Variants in SDCCAG8 observed in about 807,000 individuals in gnomAD.
SDCCAG8 encodes serologically defined colon cancer antigen 8.
In SDCCAG8, 74 loss-of-function variants were observed where a neutral mutation model predicts 101.8. The observed-to-expected ratio is 0.73, with a 90% CI of 0.60 to 0.88. SDCCAG8 has a LOEUF of 0.88. Ranked by LOEUF, SDCCAG8 falls within the 40% of genes least tolerant of loss-of-function variation. The pLI is 0.00. For missense variants in SDCCAG8, 787 were observed against 822.6 expected (o/e 0.96, Z 0.53); for synonymous variants, 281 against 292.9 (o/e 0.96, Z 0.41).
chr1:243,450,637 T>A (rs1454514198), intron 16 of SDCCAG8, among the ~76,000 whole-genome samples: 1 of 152,170 alleles, frequency 6.6e-6, no homozygotes, highest in East Asian at 1.9e-4. Flanking sequence ...TGTTTGTTTG[T>A]TTTGTTATAT....
At position 243,494,070 on chromosome 1, in the gene SDCCAG8, A is replaced by G. The variant is rs1393613388; in HGVS notation, c.2112+4930A>G. Among the ~76,000 whole-genome samples the G allele has an allele frequency of 2.0e-5, 3 of 152,180 alleles. No homozygotes were observed. In the East Asian group the frequency reaches 5.8e-4, roughly 29 times the overall value. On this transcript the variant is annotated intron_variant, in intron 17 of 17. Coordinates refer to ENST00000366541, the MANE Select transcript of SDCCAG8 (RefSeq NM_006642.5). The stretch of plus-strand genomic sequence containing the variant: ...GCCCAGCTGACTTAGGAGCTACCAC[A>G]AAGTTAGCTACCTGTAAGACAGATG...
intron 16 of SDCCAG8, among the ~76,000 whole-genome samples, chr1:243,442,751 A>G (rs1238643237): frequency 6.6e-6 from 1 of 152,200 alleles, no homozygotes; most frequent in Non-Finnish European, 1.5e-5. Context: ...TTTCTTCTTC[A>G]TGGAGAAAAG....
chr1:243,427,617 T>G (rs1165475373), intron 16 of SDCCAG8, among the ~76,000 whole-genome samples: 1 of 152,022 alleles, frequency 6.6e-6, no homozygotes, highest in Non-Finnish European at 1.5e-5. Flanking sequence ...TTGATATAAT[T>G]GAAGGAAATG....
chr1:243,494,250 G>A (rs540470719), intron 17 of SDCCAG8, among the ~76,000 whole-genome samples: 2 of 152,060 alleles, frequency 1.3e-5, no homozygotes, highest in South Asian at 2.1e-4. Flanking sequence ...ATTTTCACCC[G>A]AATTGTCAGT....
chr1:243,327,934 G>A (rs2074308924), intron 9 of SDCCAG8, among the ~76,000 whole-genome samples: 1 of 152,024 alleles, frequency 6.6e-6, no homozygotes, highest in Admixed American at 6.5e-5. Context: ...ATGGAGTCTC[G>A]CTCTGTCGCC....
intron 10 of SDCCAG8, 78 bp from the exon 11 acceptor site, chr1:243,340,961 C>A (rs77723283): frequency 3.1e-5 from 44 of 1,421,094 alleles, no homozygotes; most frequent in Non-Finnish European, 4.2e-5. Flanking sequence ...TATGCTGAGA[C>A]GCTATTAATT....
intron 1 of SDCCAG8, among the ~76,000 whole-genome samples, chr1:243,266,434 A>G (rs1333128531): frequency 4.0e-5 from 6 of 151,350 alleles, no homozygotes; most frequent in Non-Finnish European, 1.5e-5. Context: ...CTGTTGCCTC[A>G]GCCTCCCCAG....
At chr1:243,374,751 G>C (rs2147893413) in intron 12 of SDCCAG8, among the ~76,000 whole-genome samples, 1 of 152,102 alleles carries the variant, frequency 6.6e-6, no homozygotes, top group Admixed American at 6.6e-5. Flanking sequence ...TTATGACACA[G>C]AAAACAGAGA....
At chr1:243,440,773 GC>G (rs2082480890) in intron 16 of SDCCAG8, among the ~76,000 whole-genome samples, 1 of 152,178 alleles carries the variant, frequency 6.6e-6, no homozygotes, top group African/African-American at 2.4e-5. Flanking sequence ...TGCCTTTCGT[GC>G]TTTTGAAGAG....
Position 243,362,818 on chromosome 1 carries a change from C to A in SDCCAG8, c.1474-15903C>A, listed in dbSNP as rs75832335. Among the ~76,000 whole-genome samples, 1,111 of 152,318 alleles carry A rather than the reference C, an allele frequency of 7.3e-3. 14 individuals are homozygous for A. The highest frequency in any genetic ancestry group is 0.026 in the African/African-American group (1,067 of 41,566). On this transcript the variant is annotated intron_variant, in intron 12 of 17. Transcript: ENST00000366541. Reference sequence around the variant, plus strand: ...TTAATCTAGCATCAGAGCCAACTATCATTTGCCTTATTGTTTATCAAATAT... The same window carrying A: ...TTAATCTAGCATCAGAGCCAACTATAATTTGCCTTATTGTTTATCAAATAT...
intron 13 of SDCCAG8, among the ~76,000 whole-genome samples, chr1:243,412,381 G>GA (rs2080244324): frequency 6.6e-6 from 1 of 151,882 alleles, no homozygotes; most frequent in Non-Finnish European, 1.5e-5. Context: ...AGCTAAAAAG[G>GA]AAAAAACAAA....
intron 16 of SDCCAG8, among the ~76,000 whole-genome samples, chr1:243,428,354 G>A (rs1347287408): frequency 6.6e-6 from 1 of 152,216 alleles, no homozygotes; most frequent in Non-Finnish European, 1.5e-5. Context: ...AGTAGATATA[G>A]TTCCCACTCT....
At chr1:243,398,654 G>A (rs1405128645) in intron 13 of SDCCAG8, among the ~76,000 whole-genome samples, 1 of 152,068 alleles carries the variant, frequency 6.6e-6, no homozygotes, top group Non-Finnish European at 1.5e-5. Flanking sequence ...TACTAGCATG[G>A]TGCTGCTTTT....
At chr1:243,286,224 A>C in intron 4 of SDCCAG8, 48 bp from the exon 5 acceptor site, 1 of 1,593,580 alleles carries the variant, frequency 6.3e-7, no homozygotes, top group Non-Finnish European at 8.6e-7. Flanking sequence ...TCAACAAATA[A>C]AAACACTGCT....
At chr1:243,418,339 A>C (rs1031902107) in intron 15 of SDCCAG8, among the ~76,000 whole-genome samples, 8 of 152,230 alleles carry the variant, frequency 5.3e-5, no homozygotes, top group African/African-American at 1.9e-4. Flanking sequence ...GGAAAGAAGG[A>C]TCAATATGGT....
intron 16 of SDCCAG8, among the ~76,000 whole-genome samples, chr1:243,471,585 C>T (rs1253629984): frequency 5.3e-5 from 8 of 151,938 alleles, no homozygotes; most frequent in East Asian, 3.9e-4. Context: ...AAGGCCTTTT[C>T]GGAGGAGGCT....
intron 17 of SDCCAG8, among the ~76,000 whole-genome samples, chr1:243,498,331 G>GT (rs1668554395): frequency 6.6e-6 from 1 of 152,216 alleles, no homozygotes; most frequent in African/African-American, 2.4e-5. Context: ...AGTGCATGGG[G>GT]TGGACTCCTC....
chr1:243,256,660 T>A (rs1399849912), intron 1 of SDCCAG8, among the ~76,000 whole-genome samples: 2 of 152,252 alleles, frequency 1.3e-5, no homozygotes, highest in Non-Finnish European at 1.5e-5. Flanking sequence ...CTAATAATTA[T>A]TTTAATCACA....
chr1:243,299,121 T>G (rs2071245045), intron 6 of SDCCAG8, among the ~76,000 whole-genome samples: 1 of 152,260 alleles, frequency 6.6e-6, no homozygotes, highest in East Asian at 1.9e-4. Context: ...GAAGGTTTCA[T>G]ACATCTTTCA....
Sources: gnomAD v4.1 joint callset for allele counts (sites outside exome capture counted in the v4.1 genomes callset) on GRCh38, gnomAD v4.1.1 for gene constraint, MANE v1.5 for transcripts, NCBI Gene and HGNC (gene_info 2026-07-23, HGNC 2026-07-21) for gene names.